Variants in MDM4 observed in about 807,000 individuals in gnomAD.
MDM4 encodes the protein protein Mdm4.
MDM4 carries 2 observed loss-of-function variants against 60.2 expected under a neutral mutation model. That is an observed-to-expected ratio of 0.03 (90% CI 0.01 to 0.10). The LOEUF (loss-of-function observed/expected upper bound fraction) is 0.10. Ranked by LOEUF, MDM4 falls within the 10% of genes least tolerant of loss-of-function variation. The pLI is 1.00. For synonymous variants in MDM4, 202 were observed against 198.1 expected (o/e 1.02, Z -0.17); for missense variants, 447 against 577.5 (o/e 0.77, Z 2.32).
In MDM4 at chr1:204,546,791, T is replaced by C; in HGVS notation, c.823-6T>C. On this transcript the variant is annotated splice_polypyrimidine_tract_variant and splice_region_variant and intron_variant, in intron 9 of 10. Transcript: ENST00000367182. ...CATTACTAATGAGATGTTTTTGCCT[T>C]CACAGGTGATTGAAGTGGGAAAAAA... 1 of 1,607,180 alleles carries C rather than the reference T, an allele frequency of 6.2e-7. No homozygotes were observed. Among genetic ancestry groups the C allele is most frequent in the South Asian group, 1.1e-5 (1 of 90,734 alleles).
At chr1:204,523,592 T>G (rs775693780) in intron 1 of MDM4, among the ~76,000 whole-genome samples, 1 of 147,574 alleles carries the variant, frequency 6.8e-6, no homozygotes. Flanking sequence ...CAGGTGATTC[T>G]CATGCCTCAG....
chr1:204,530,948 G>T, intron 4 of MDM4, 131 bp downstream of exon 4: 1 of 1,179,850 alleles, frequency 8.5e-7, no homozygotes. Context: ...TAGCCTATGA[G>T]GCACTGAGAA....
chr1:204,546,587 G>A (rs1001856923), intron 9 of MDM4, among the ~76,000 whole-genome samples: 3 of 152,060 alleles, frequency 2.0e-5, no homozygotes, highest in Non-Finnish European at 4.4e-5. Flanking sequence ...ACTCTTCTGG[G>A]TGCTTTTCTG....
intron 10 of MDM4, 125 bp from the exon 11 acceptor site, chr1:204,548,988 T>TC (rs1662942210): frequency 1.5e-6 from 1 of 663,170 alleles, no homozygotes; most frequent in African/African-American, 1.8e-5. Context: ...TTTGCTCAAA[T>TC]CCTAGGCTAG....
chr1:204,538,104 T>C, intron 6 of MDM4, 105 bp from the exon 7 acceptor site: 1 of 770,796 alleles, frequency 1.3e-6, no homozygotes, highest in Non-Finnish European at 2.4e-6. Flanking sequence ...TTCTTGTGTG[T>C]AACCCATTGT....
Position 204,556,848 on chromosome 1 carries a change from G to A in MDM4, c.*7166G>A. 4.8e-6 allele frequency: 1 copy of A among 209,402 alleles called. No homozygotes were observed. Among genetic ancestry groups the A allele is most frequent in the Admixed American group, 5.9e-5 (1 of 16,932 alleles). 13.0% of individuals were successfully genotyped at this position (209,402 alleles called of 1,614,324 possible). ...ACAGGAAATGTTTCAAAGGAGGGAT[G>A]AAATGCTTCTTGGCTTCCTCAGCAC... On this transcript the variant is annotated 3_prime_UTR_variant, in exon 11 of 11. Coordinates refer to ENST00000367182, the MANE Select transcript of MDM4 (RefSeq NM_002393.5).
chr1:204,553,479 C>T lies in MDM4; in HGVS notation c.*3797C>T. The T allele has an allele frequency of 4.4e-6, 1 of 226,142 alleles. No individual in the cohort carries two copies. The highest frequency in any genetic ancestry group is 8.8e-6 in the Non-Finnish European group (1 of 113,500). 14.0% of individuals were successfully genotyped at this position (226,142 alleles called of 1,614,324 possible). On this transcript the variant is annotated 3_prime_UTR_variant, in exon 11 of 11. Transcript: ENST00000367182. ...ATTTGGATGTTAAATTATATGGTCA[C>T]CTAGTTATAGGTAAGCCTTGTTCGA... is the stretch of plus-strand genomic sequence containing the variant.
Position 204,553,714 on chromosome 1 carries a change from G to C in MDM4, c.*4032G>C. 4.4e-6 allele frequency: 1 copy of C among 226,072 alleles called. No individual in the cohort carries two copies. Among genetic ancestry groups the C allele is most frequent in the Non-Finnish European group, 8.8e-6 (1 of 113,552 alleles). The allele number at this position is 226,072 out of a possible 1,614,324, so 14.0% of individuals were successfully genotyped here. ...GAACAACGATGAATTTCAGTATTAC[G>C]GCTAAAAAGTTCTTCTGTCTGAATA... is the stretch of plus-strand genomic sequence containing the variant. On this transcript the variant is annotated 3_prime_UTR_variant, in exon 11 of 11. Coordinates refer to ENST00000367182, the MANE Select transcript of MDM4 (RefSeq NM_002393.5).
intron 5 of MDM4, among the ~76,000 whole-genome samples, chr1:204,533,538 A>G (rs1306056596): frequency 6.6e-6 from 1 of 152,012 alleles, no homozygotes; most frequent in African/African-American, 2.4e-5. Context: ...TTGTATTTTT[A>G]GTAGAGACAG....
chr1:204,525,400 C>A, intron 1 of MDM4, 84 bp from the exon 2 acceptor site: 1 of 1,457,004 alleles, frequency 6.9e-7, no homozygotes, highest in Non-Finnish European at 9.0e-7. Flanking sequence ...GTGTCTTTTA[C>A]TTCTGCTGGT....
Position 204,542,656 on chromosome 1 carries a change from G to A in MDM4, c.512-128G>A, listed in dbSNP as rs191109603. On this transcript the variant is annotated intron_variant, in intron 7 of 10. Coordinates refer to ENST00000367182, the MANE Select transcript of MDM4 (RefSeq NM_002393.5). The stretch of plus-strand genomic sequence containing the variant: ...CCACTAAGACAGATACTTGATTTCT[G>A]GTTCTTTCTTTCTTAGAACAGGAAT... 11 of 685,922 alleles carry A rather than the reference G, an allele frequency of 1.6e-5. No individual in the cohort carries two copies. In the East Asian group the frequency reaches 3.2e-4, roughly 20 times the overall value. The allele number at this position is 685,922 out of a possible 1,614,324, so 42.5% of individuals were successfully genotyped here. A position where few individuals can be genotyped will look rare whatever the true frequency, so the allele number is the denominator to read the frequency against.
At chr1:204,547,378 A>G (rs1572523467) in intron 10 of MDM4, among the ~76,000 whole-genome samples, 1 of 152,346 alleles carries the variant, frequency 6.6e-6, no homozygotes, top group East Asian at 1.9e-4. Context: ...TCTTAGGTTA[A>G]TAGGGATGGA....
At position 204,551,979 on chromosome 1, in the gene MDM4, TAAAA is replaced by T. The variant is rs35918019; in HGVS notation, c.*2314_*2317del. 378 of 136,450 alleles carry T rather than the reference TAAAA, an allele frequency of 2.8e-3. No homozygotes were observed. Among genetic ancestry groups the T allele is most frequent in the East Asian group, 0.012 (98 of 7,856 alleles). The allele number at this position is 136,450 out of a possible 1,614,324, so 8.5% of individuals were successfully genotyped here. ...CTAACACTAACAATAGCTGATGAGC[TAAAA>T]AAAAAAAAAAAAAAAATCGTGGACC... On this transcript the variant is annotated 3_prime_UTR_variant, in exon 11 of 11. Coordinates refer to ENST00000367182, the MANE Select transcript of MDM4 (RefSeq NM_002393.5).
rs1261925892 is a variant in MDM4 at position 204,551,437 on chromosome 1, TA to T, written c.*1756del. On this transcript the variant is annotated 3_prime_UTR_variant, in exon 11 of 11. Coordinates refer to ENST00000367182, the MANE Select transcript of MDM4 (RefSeq NM_002393.5). ...TACACCAAGGCAATACGCCTTGATA[TA>T]CTGGATGGTTGAGAGGCAGCCTCTT... 8.9e-6 allele frequency: 2 copies of T among 223,872 alleles called. No homozygotes were observed. The highest frequency in any genetic ancestry group is 1.8e-5 in the Non-Finnish European group (2 of 113,902). 13.9% of individuals were successfully genotyped at this position (223,872 alleles called of 1,614,324 possible).
chr1:204,549,478 T>G lies in MDM4; in HGVS notation c.1269T>G (p.Asp423Glu). 1.2e-6 allele frequency: 2 copies of G among 1,610,944 alleles called. No individual in the cohort carries two copies. Among genetic ancestry groups the G allele is most frequent in the Non-Finnish European group, 8.5e-7 (1 of 1,179,072 alleles). ...QLDNLSEQRT[D>E]TENMEDCQNL... ...ATAACCTTTCTGAACAGAGAACAGA[T>G]ACAGAAAACATGGAGGATTGCCAGA... Residue 423 changes from aspartate to glutamate, a missense_variant, in exon 11 of 11, where the codon GAT (aspartate) becomes GAG (glutamate). Asp to Glu is a conservative substitution (Grantham distance 45, BLOSUM62 2). Around this residue, in one of 8 missense-constraint regions of MDM4, gnomAD observed 117 missense variants for 114.5 expected, o/e 1.02. Transcript: ENST00000367182.
rs189244243 is a variant in MDM4 at position 204,545,217 on chromosome 1, T to C, written c.822+533T>C. On this transcript the variant is annotated intron_variant, in intron 9 of 10. Transcript: ENST00000367182. ...ACAGCAGTCTGTAGGAGAAAACTTA[T>C]TTCTTGGAAATCTTGATAGCTTCCA... is the stretch of plus-strand genomic sequence containing the variant. 3.6e-3 allele frequency among the ~76,000 whole-genome samples: 553 copies of C among 152,320 alleles called. 1 individual carries two copies. Among genetic ancestry groups the C allele is most frequent in the Middle Eastern group, 0.014 (4 of 294 alleles).
intron 3 of MDM4, among the ~76,000 whole-genome samples, chr1:204,528,269 C>T (rs948818849): frequency 6.6e-6 from 1 of 152,102 alleles, no homozygotes; most frequent in African/African-American, 2.4e-5. Flanking sequence ...GTAGCCTGGC[C>T]AAAGATGCCC....
Position 204,556,064 on chromosome 1 carries a change from A to G in MDM4, c.*6382A>G, listed in dbSNP as rs1468647089. The G allele has an allele frequency of 4.6e-6, 1 of 218,616 alleles. No homozygotes were observed. Among genetic ancestry groups the G allele is most frequent in the Non-Finnish European group, 9.2e-6 (1 of 108,988 alleles). The allele number at this position is 218,616 out of a possible 1,614,324, so 13.5% of individuals were successfully genotyped here. On this transcript the variant is annotated 3_prime_UTR_variant, in exon 11 of 11. Coordinates refer to ENST00000367182, the MANE Select transcript of MDM4 (RefSeq NM_002393.5). ...TTTAAAGTAACTTTTTGGGAGACTG[A>G]TTTGAGTAATAATAAAACTCTGGTC...
rs1476633573 is a variant in MDM4 at position 204,556,719 on chromosome 1, T to TA, written c.*7038dup. On this transcript the variant is annotated 3_prime_UTR_variant, in exon 11 of 11. Transcript: ENST00000367182. Reference sequence around the variant, plus strand: ...AGAAATTGAGGTCAGGCTTCCTTCTTACAGAATTATTTTTTTCTCTGTAGT... The same window carrying TA: ...AGAAATTGAGGTCAGGCTTCCTTCTTAACAGAATTATTTTTTTCTCTGTAGT... 9.4e-6 allele frequency: 2 copies of TA among 212,650 alleles called. No individual in the cohort carries two copies. Among genetic ancestry groups the TA allele is most frequent in the Non-Finnish European group, 1.9e-5 (2 of 105,120 alleles). 13.2% of individuals were successfully genotyped at this position (212,650 alleles called of 1,614,324 possible). A position where few individuals can be genotyped will look rare whatever the true frequency, so the allele number is the denominator to read the frequency against.
Sources: allele counts gnomAD v4.1 joint callset (sites outside exome capture counted in the v4.1 genomes callset), GRCh38; gene constraint gnomAD v4.1.1; regional missense constraint gnomAD v4.1.1; transcripts MANE v1.5; gene names NCBI Gene and HGNC (gene_info 2026-07-23, HGNC 2026-07-21).